The following TBL1XR1 variants were observed in gnomAD, a reference collection of about 807,000 sequenced individuals.
TBL1XR1 encodes the protein F-box-like/WD repeat-containing protein TBL1XR1.
TBL1XR1 carries 5 observed loss-of-function variants against 66.9 expected under a neutral mutation model. The ratio of observed to expected loss-of-function variants is 0.07; its 90% CI spans 0.04 to 0.16. The LOEUF is 0.16. Among genes scored for constraint, TBL1XR1 ranks in the 10% least tolerant of loss-of-function variants. The pLI, the probability that TBL1XR1 is intolerant of heterozygous loss-of-function variation, is 1.00. For synonymous variants in TBL1XR1, 210 were observed against 206.0 expected (o/e 1.02, Z -0.17); for missense variants, 238 against 623.2 (o/e 0.38, Z 6.58).
At chr3:177,199,379 CTT>C (rs11293475), upstream of TBL1XR1, among the ~76,000 whole-genome samples, 92 of 145,110 alleles carry the variant, frequency 6.3e-4, no homozygotes, top group Admixed American at 9.6e-4. Flanking sequence ...TAGTATCTTC[CTT>C]TTTTTTTTTT....
chr3:177,059,167 G>A (rs1247776124), intron 3 of TBL1XR1, among the ~76,000 whole-genome samples: 1 of 152,192 alleles, frequency 6.6e-6, no homozygotes, highest in Non-Finnish European at 1.5e-5. Context: ...TTCATGACTA[G>A]AAGCACATTA....
chr3:177,058,712 T>C (rs1387914582), intron 3 of TBL1XR1, among the ~76,000 whole-genome samples: 1 of 152,230 alleles, frequency 6.6e-6, no homozygotes, highest in Non-Finnish European at 1.5e-5. Context: ...TCCAAAAAGA[T>C]TATTAATAAT....
At chr3:177,138,593 G>A (rs779056286) in intron 1 of TBL1XR1, among the ~76,000 whole-genome samples, 2 of 135,648 alleles carry the variant, frequency 1.5e-5, no homozygotes, top group Non-Finnish European at 3.4e-5. Context: ...CCCTGTCTGG[G>A]AGAAAAAAAA....
At chr3:177,094,340 A>T (rs1010250596) in intron 2 of TBL1XR1, among the ~76,000 whole-genome samples, 1 of 152,196 alleles carries the variant, frequency 6.6e-6, no homozygotes, top group Non-Finnish European at 1.5e-5. Context: ...GTTGGTGTGG[A>T]TGTGGTGAAA....
chr3:177,033,850 TCTGAC>T (rs1714368934), intron 13 of TBL1XR1, among the ~76,000 whole-genome samples: 1 of 152,130 alleles, frequency 6.6e-6, no homozygotes, highest in Non-Finnish European at 1.5e-5. Context: ...AATATCATGT[TCTGAC>T]TTGTAAGTGG....
At chr3:177,099,217 A>T (rs1241236010) in intron 1 of TBL1XR1, among the ~76,000 whole-genome samples, 1 of 152,034 alleles carries the variant, frequency 6.6e-6, no homozygotes, top group Non-Finnish European at 1.5e-5. Context: ...AAATACAAAA[A>T]TCAGCTGGGC....
At chr3:177,168,183 C>G (rs1187483182) in intron 1 of TBL1XR1, among the ~76,000 whole-genome samples, 2 of 152,080 alleles carry the variant, frequency 1.3e-5, no homozygotes, top group African/African-American at 4.8e-5. Context: ...TATGAATCCT[C>G]TTCTAATTAA....
intron 1 of TBL1XR1, among the ~76,000 whole-genome samples, chr3:177,138,979 A>G (rs1729312899): frequency 6.6e-6 from 1 of 152,212 alleles, no homozygotes; most frequent in Non-Finnish European, 1.5e-5. Context: ...GCCTCATAGA[A>G]AAAGAACCAA....
rs1712160288 is a variant in TBL1XR1 at position 177,020,111 on chromosome 3, T to C, written c.*5387A>G. 1 of 151,998 alleles carries C rather than the reference T, an allele frequency of 6.6e-6. No individual in the cohort carries two copies. Among genetic ancestry groups the C allele is most frequent in the Admixed American group, 6.6e-5 (1 of 15,262 alleles). 9.4% of individuals were successfully genotyped at this position (151,998 alleles called of 1,614,324 possible). ...TTCTTATAAAGTTTGTAGTAACAAC[T>C]AGCTAAGAGAGAAAATGATTCAACT... On this transcript the variant is annotated 3_prime_UTR_variant, in exon 16 of 16. Transcript: ENST00000457928.
intron 1 of TBL1XR1, among the ~76,000 whole-genome samples, chr3:177,119,209 G>A (rs1027120569): frequency 6.6e-6 from 1 of 152,136 alleles, no homozygotes; most frequent in Non-Finnish European, 1.5e-5. Flanking sequence ...CTGACCTCAG[G>A]TGATCCACCC....
intron 1 of TBL1XR1, among the ~76,000 whole-genome samples, chr3:177,179,401 C>T (rs544201549): frequency 6.6e-6 from 1 of 152,336 alleles, no homozygotes; most frequent in African/African-American, 2.4e-5. Context: ...TTACCAATTA[C>T]ATATGAGCCT....
At chr3:177,051,822 T>C in intron 4 of TBL1XR1, 96 bp from the exon 5 acceptor site, 1 of 1,377,486 alleles carries the variant, frequency 7.3e-7, no homozygotes, top group Non-Finnish European at 9.6e-7. Flanking sequence ...AAATCTTCGT[T>C]CCTAAAAAAA....
At chr3:177,043,146 T>C (rs1358028557) in intron 10 of TBL1XR1, among the ~76,000 whole-genome samples, 3 of 152,158 alleles carry the variant, frequency 2.0e-5, no homozygotes, top group Non-Finnish European at 4.4e-5. Context: ...TTTAATTCCA[T>C]TGTTGCTATA....
At chr3:177,084,267 C>T (rs1263287458) in intron 2 of TBL1XR1, among the ~76,000 whole-genome samples, 1 of 152,188 alleles carries the variant, frequency 6.6e-6, no homozygotes, top group Non-Finnish European at 1.5e-5. Flanking sequence ...CACTTCCCCA[C>T]TTAATCCCTG....
At chr3:177,121,658 A>G (rs893123440) in intron 1 of TBL1XR1, among the ~76,000 whole-genome samples, 9 of 152,234 alleles carry the variant, frequency 5.9e-5, no homozygotes, top group Admixed American at 3.9e-4. Flanking sequence ...GTAGTCTAAA[A>G]GGATTAAGTA....
intron 1 of TBL1XR1, among the ~76,000 whole-genome samples, chr3:177,161,579 T>C (rs577160021): frequency 1.3e-5 from 2 of 152,224 alleles, no homozygotes; most frequent in South Asian, 4.1e-4. Flanking sequence ...GGTCAGGAGT[T>C]TGAGACCAGC....
chr3:177,102,093 T>A (rs983403382), intron 1 of TBL1XR1, among the ~76,000 whole-genome samples: 4 of 152,188 alleles, frequency 2.6e-5, no homozygotes, highest in African/African-American at 9.6e-5. Context: ...TCCAGTTTCT[T>A]TTTCTAACTT....
chr3:177,023,642 T>C lies in TBL1XR1; in HGVS notation c.*1856A>G, dbSNP rs1712681416. The C allele has an allele frequency of 6.6e-6, 1 of 152,556 alleles. No individual in the cohort carries two copies. Among genetic ancestry groups the C allele is most frequent in the South Asian group, 2.1e-4 (1 of 4,834 alleles). The allele number at this position is 152,556 out of a possible 1,614,324, so 9.5% of individuals were successfully genotyped here. A position where few individuals can be genotyped will look rare whatever the true frequency, so the allele number is the denominator to read the frequency against. ...TAAGTGTATTTATTCTCTTTACCAA[T>C]AGCAAATGCTACCCTACCTTAGTAA... On this transcript the variant is annotated 3_prime_UTR_variant, in exon 16 of 16. Coordinates refer to ENST00000457928, the MANE Select transcript of TBL1XR1 (RefSeq NM_024665.7).
intron 1 of TBL1XR1, among the ~76,000 whole-genome samples, chr3:177,135,163 G>A (rs1049105532): frequency 2.7e-5 from 4 of 150,540 alleles, no homozygotes; most frequent in East Asian, 3.9e-4. Context: ...CACCACGTCC[G>A]ACTAATTTTT....
Sources: allele counts gnomAD v4.1 joint callset (sites outside exome capture counted in the v4.1 genomes callset), GRCh38; gene constraint gnomAD v4.1.1; transcripts MANE v1.5; gene names NCBI Gene and HGNC (gene_info 2026-07-23, HGNC 2026-07-21).